The following SMPD3 variants were observed in gnomAD, a reference collection of about 807,000 sequenced individuals.
The protein encoded by SMPD3 is nSMase-2.
SMPD3 carries 21 observed loss-of-function variants against 55.7 expected under a neutral mutation model. The ratio of observed to expected loss-of-function variants is 0.38; its 90% confidence interval spans 0.27 to 0.54. The LOEUF is 0.54. SMPD3 is among the 20% of genes least tolerant of loss of function. The pLI is 0.80. For synonymous variants in SMPD3, 457 were observed against 404.3 expected, an observed-to-expected ratio of 1.13 and a Z score of -1.56; for missense variants, 842 against 899.6, an observed-to-expected ratio of 0.94 and a Z score of 0.82.
intron 3 of SMPD3, chr16:68,368,968 A>G (rs1400456224): frequency 6.6e-6 from 1 of 152,300 alleles, no homozygotes; most frequent in Non-Finnish European, 1.5e-5. Context: ...CTGTAATTCC[A>G]GCACTTTGGG....
chr16:68,383,272 G>A (rs1204759739), intron 2 of SMPD3, among the ~76,000 whole-genome samples: 6 of 152,242 alleles, frequency 3.9e-5, no homozygotes, highest in Non-Finnish European at 7.3e-5. Context: ...GGAGGGCTGA[G>A]TGGCCCTCTG....
In SMPD3 at chr16:68,384,687, G is replaced by A. The variant is rs1370098722; in HGVS notation, c.-207+1911C>T. Among the ~76,000 whole-genome samples the A allele has an allele frequency of 8.5e-5, 13 of 152,278 alleles. No homozygotes were observed. In the South Asian group the frequency reaches 2.5e-3, roughly 29 times the overall value. On this transcript the variant is annotated intron_variant, in intron 2 of 8. Coordinates refer to ENST00000219334, the MANE Select transcript of SMPD3 (RefSeq NM_018667.4). ...CACCATCCCAACTTCCAGTCCCAGG[G>A]AATGAGGGTTCTGTTTTCTAACTCT...
chr16:68,373,338 GTAAAATCAA>G (rs1197647625), intron 2 of SMPD3, among the ~76,000 whole-genome samples: 1 of 152,252 alleles, frequency 6.6e-6, no homozygotes, highest in Non-Finnish European at 1.5e-5. Flanking sequence ...TGTGCTGAAT[GTAAAATCAA>G]TAAAGACAAG....
At chr16:68,429,155 AG>A (rs2090460463) in intron 1 of SMPD3, among the ~76,000 whole-genome samples, 1 of 152,222 alleles carries the variant, frequency 6.6e-6, no homozygotes, top group African/African-American at 2.4e-5. Context: ...TGGAAGCCCC[AG>A]GGCTGGATTG....
chr16:68,361,891 T>A, intron 7 of SMPD3, 132 bp from the exon 8 acceptor site: 1 of 1,340,472 alleles, frequency 7.5e-7, no homozygotes. Context: ...GGGTTTAAGA[T>A]CTCTCCCCTG....
At chr16:68,393,936 G>T (rs2090133912) in intron 1 of SMPD3, among the ~76,000 whole-genome samples, 1 of 152,062 alleles carries the variant, frequency 6.6e-6, no homozygotes, top group African/African-American at 2.4e-5. Context: ...AGTTTTTTGA[G>T]GCTCATTTTG....
intron 2 of SMPD3, among the ~76,000 whole-genome samples, chr16:68,383,190 CTG>C (rs1185271847): frequency 3.9e-5 from 6 of 152,216 alleles, no homozygotes; most frequent in African/African-American, 1.2e-4. Context: ...CCCACCTACA[CTG>C]TGCAGAGCAA....
At chr16:68,426,089 G>A (rs137963933) in intron 1 of SMPD3, among the ~76,000 whole-genome samples, 40 of 152,226 alleles carry the variant, frequency 2.6e-4, no homozygotes, top group Non-Finnish European at 5.0e-4. Flanking sequence ...ATAAAATAGA[G>A]GCTCTATTTT....
chr16:68,442,703 A>G (rs1252079846), intron 1 of SMPD3, among the ~76,000 whole-genome samples: 1 of 152,224 alleles, frequency 6.6e-6, no homozygotes, highest in Non-Finnish European at 1.5e-5. Flanking sequence ...ACTCAGCCCT[A>G]GGTGTGGCTG....
intron 1 of SMPD3, among the ~76,000 whole-genome samples, chr16:68,426,215 A>C (rs895174630): frequency 1.2e-4 from 19 of 152,244 alleles, no homozygotes; most frequent in Admixed American, 2.0e-4. Flanking sequence ...TGAACGGAGA[A>C]TCTACTAAGG....
chr16:68,363,816 AG>A lies in SMPD3; in HGVS notation c.1605del (p.Cys536AlafsTer64). On this transcript the variant is annotated frameshift_variant, in exon 6 of 9. Coordinates refer to ENST00000219334, the MANE Select transcript of SMPD3 (RefSeq NM_018667.4). LOFTEE classifies it high-confidence loss of function. ...QHSLFTHYRDPCRLGPGEEKP... is the reference protein window; with the variant it reads ...QHSLFTHYRDXCRLGPGEEKP... ...TTCTCCTCACCAGGCCCCAGGCGGC[AG>A]GGGTCCCTGTAGTGGGTGAACAGGG... The A allele has an allele frequency of 6.4e-7, 1 of 1,572,138 alleles. No homozygotes were observed. Among genetic ancestry groups the A allele is most frequent in the Non-Finnish European group, 8.6e-7 (1 of 1,158,542 alleles).
intron 1 of SMPD3, among the ~76,000 whole-genome samples, chr16:68,397,463 C>A (rs2090167893): frequency 6.6e-6 from 1 of 152,210 alleles, no homozygotes; most frequent in South Asian, 2.1e-4. Flanking sequence ...ACACCCCGGT[C>A]AAGCCCATTG....
At chr16:68,402,391 A>C (rs1299346250) in intron 1 of SMPD3, among the ~76,000 whole-genome samples, 1 of 152,218 alleles carries the variant, frequency 6.6e-6, no homozygotes, top group East Asian at 1.9e-4. Flanking sequence ...GCAATAAGCC[A>C]GAGTCATGAC....
At chr16:68,428,427 C>T (rs1402662494) in intron 1 of SMPD3, among the ~76,000 whole-genome samples, 2 of 152,226 alleles carry the variant, frequency 1.3e-5, no homozygotes, top group Non-Finnish European at 2.9e-5. Context: ...GCTCCTGCCC[C>T]ATTCTGCAGA....
At chr16:68,382,997 A>C (rs928189732) in intron 2 of SMPD3, among the ~76,000 whole-genome samples, 4 of 152,128 alleles carry the variant, frequency 2.6e-5, no homozygotes, top group Non-Finnish European at 5.9e-5. Flanking sequence ...GGCATGTGCC[A>C]GCTAATTTTT....
intron 3 of SMPD3, among the ~76,000 whole-genome samples, chr16:68,366,306 C>T (rs1488130485): frequency 1.3e-5 from 2 of 152,216 alleles, no homozygotes; most frequent in Non-Finnish European, 2.9e-5. Context: ...TCTCCTCCAT[C>T]TGGACGTCCT....
chr16:68,363,914 C>G (rs2089396591), intron 5 of SMPD3, 48 bp from the exon 6 acceptor site: 1 of 1,490,340 alleles, frequency 6.7e-7, no homozygotes, highest in African/African-American at 1.4e-5. Flanking sequence ...GCTTTGCTGT[C>G]CCACACGGCC....
Position 68,447,210 on chromosome 16 carries a change from C to T in SMPD3, c.-269+1143G>A, listed in dbSNP as rs193232064. The stretch of plus-strand genomic sequence containing the variant: ...GCCCCATGCCTTGGAACAGCCACCG[C>T]GCGTCCTGGAAGCAGGTCCCCGAGC... On this transcript the variant is annotated intron_variant, in intron 1 of 8. Coordinates refer to ENST00000219334, the MANE Select transcript of SMPD3 (RefSeq NM_018667.4). The surrounding 1 kb of genome is among the most constrained non-coding windows in gnomAD (Gnocchi z 5.1). Among the ~76,000 whole-genome samples, 9 of 152,176 alleles carry T rather than the reference C, an allele frequency of 5.9e-5. No individual in the cohort carries two copies. Among genetic ancestry groups the T allele is most frequent in the Non-Finnish European group, 1.2e-4 (8 of 68,024 alleles).
In SMPD3 at chr16:68,448,432, G is replaced by C. The variant is rs1418110310; in HGVS notation, c.-348C>G. On this transcript the variant is annotated 5_prime_UTR_variant, in exon 1 of 9. Coordinates refer to ENST00000219334, the MANE Select transcript of SMPD3 (RefSeq NM_018667.4). ...CGGCTCCTCACAGCCCGGGCTCCCG[G>C]CCGCAGATCTGGCGGCGGCCGCAGC... The C allele has an allele frequency of 6.6e-6, 1 of 152,416 alleles. No individual in the cohort carries two copies. The highest frequency in any genetic ancestry group is 1.9e-4 in the East Asian group (1 of 5,180). 9.4% of individuals were successfully genotyped at this position (152,416 alleles called of 1,614,324 possible). A position where few individuals can be genotyped will look rare whatever the true frequency, so the allele number is the denominator to read the frequency against.
Sources: allele counts gnomAD v4.1 joint callset (sites outside exome capture counted in the v4.1 genomes callset), GRCh38; gene constraint gnomAD v4.1.1; non-coding constraint Gnocchi (gnomAD v3.1); transcripts MANE v1.5; gene names NCBI Gene and HGNC (gene_info 2026-07-23, HGNC 2026-07-21).